The following PTPN14 variants were observed in gnomAD, a reference collection of about 807,000 sequenced individuals.
PTPN14 encodes protein tyrosine phosphatase non-receptor type 14, also known as tyrosine-protein phosphatase non-receptor type 14.
PTPN14 carries 53 observed loss-of-function variants against 126.8 expected under a neutral mutation model. The observed-to-expected ratio is 0.42, with a 90% CI of 0.34 to 0.53. PTPN14 has a LOEUF of 0.53. PTPN14 is among the 20% of genes least tolerant of loss of function. The pLI, the probability that PTPN14 is intolerant of heterozygous loss-of-function variation, is 0.08. For missense variants in PTPN14, 1,257 were observed against 1,552.9 expected (o/e 0.81, Z 3.20); for synonymous variants, 630 against 599.3 (o/e 1.05, Z -0.75).
At chr1:214,429,173 G>C (rs967453602) in intron 3 of PTPN14, among the ~76,000 whole-genome samples, 14 of 152,128 alleles carry the variant, frequency 9.2e-5, no homozygotes, top group Admixed American at 5.2e-4. Flanking sequence ...TAAAAGTCAT[G>C]ATCACAGATT....
At chr1:214,390,913 AT>A in intron 11 of PTPN14, 74 bp downstream of exon 11, 1 of 1,260,724 alleles carries the variant, frequency 7.9e-7, no homozygotes. Context: ...TGCCCTCATC[AT>A]CCCCCCACCT....
At chr1:214,475,000 A>T (rs1055877697) in intron 1 of PTPN14, among the ~76,000 whole-genome samples, 1 of 152,178 alleles carries the variant, frequency 6.6e-6, no homozygotes, top group Admixed American at 6.5e-5. Context: ...GGATTTGCTT[A>T]AAAAATCACG....
chr1:214,440,488 T>C (rs1660015618), intron 3 of PTPN14, among the ~76,000 whole-genome samples: 1 of 152,252 alleles, frequency 6.6e-6, no homozygotes, highest in African/African-American at 2.4e-5. Context: ...ATTTGAGCCA[T>C]GGCTCTGCAG....
intron 1 of PTPN14, among the ~76,000 whole-genome samples, chr1:214,535,616 A>T (rs1365232404): frequency 1.3e-5 from 2 of 151,956 alleles, no homozygotes; most frequent in African/African-American, 4.8e-5. Context: ...CATCTCTACT[A>T]AAAAATACAA....
In PTPN14 at chr1:214,349,733, A is replaced by C. The variant is rs1657666768; in HGVS notation, c.*8189T>G. 2 of 152,252 alleles carry C rather than the reference A, an allele frequency of 1.3e-5. No homozygotes were observed. Among genetic ancestry groups the C allele is most frequent in the Non-Finnish European group, 2.9e-5 (2 of 68,044 alleles). The allele number at this position is 152,252 out of a possible 1,614,324, so 9.4% of individuals were successfully genotyped here. ...TGATGAAGAGTAGCTTTATGTCAGA[A>C]AGGAGAAGGCTAATGAATTTTTAAG... On this transcript the variant is annotated 3_prime_UTR_variant, in exon 19 of 19. Transcript: ENST00000366956.
At chr1:214,492,838 C>T (rs1167183241) in intron 1 of PTPN14, among the ~76,000 whole-genome samples, 2 of 149,926 alleles carry the variant, frequency 1.3e-5, no homozygotes, top group Admixed American at 1.3e-4. Context: ...GCAGAGGTTG[C>T]AGTGAGCCAA....
intron 11 of PTPN14, 146 bp from the exon 12 acceptor site, chr1:214,387,068 C>G (rs975043014): frequency 7.6e-6 from 5 of 656,932 alleles, no homozygotes; most frequent in Non-Finnish European, 1.3e-5. Context: ...TTGACTCAAC[C>G]TTCTTCTACC....
At chr1:214,520,115 T>C (rs888016654) in intron 1 of PTPN14, among the ~76,000 whole-genome samples, 4 of 143,374 alleles carry the variant, frequency 2.8e-5, no homozygotes, top group Non-Finnish European at 6.0e-5. Flanking sequence ...CAGGTATGAA[T>C]CAGTCTGTCT....
At chr1:214,440,200 T>C (rs775969150) in intron 3 of PTPN14, among the ~76,000 whole-genome samples, 11 of 152,208 alleles carry the variant, frequency 7.2e-5, no homozygotes, top group Non-Finnish European at 1.5e-4. Context: ...TCCCTTTATC[T>C]GTCTGTTTCT....
intron 8 of PTPN14, among the ~76,000 whole-genome samples, chr1:214,396,415 C>T (rs975367545): frequency 5.9e-5 from 9 of 152,224 alleles, no homozygotes; most frequent in African/African-American, 1.9e-4. Context: ...GCTTCACAAC[C>T]TACAGTTCTA....
intron 1 of PTPN14, among the ~76,000 whole-genome samples, chr1:214,512,377 G>T (rs1257854146): frequency 6.6e-6 from 1 of 152,134 alleles, no homozygotes; most frequent in African/African-American, 2.4e-5. Context: ...ATAGGGTTTG[G>T]CATGCTCCTT....
At chr1:214,402,509 C>G (rs189074579) in intron 6 of PTPN14, among the ~76,000 whole-genome samples, 2 of 149,562 alleles carry the variant, frequency 1.3e-5, no homozygotes, top group East Asian at 4.0e-4. Context: ...ATATCAAACT[C>G]CTGGTGCTTC....
At chr1:214,426,692 G>A (rs1659671486) in intron 3 of PTPN14, among the ~76,000 whole-genome samples, 1 of 152,172 alleles carries the variant, frequency 6.6e-6, no homozygotes, top group African/African-American at 2.4e-5. Flanking sequence ...AAAGAAGGCT[G>A]CTACAAACAC....
At chr1:214,441,093 A>G (rs1001643493) in intron 3 of PTPN14, among the ~76,000 whole-genome samples, 13 of 152,226 alleles carry the variant, frequency 8.5e-5, no homozygotes, top group African/African-American at 3.1e-4. Context: ...AAAGTAATAT[A>G]AAAGACTCCA....
At position 214,547,936 on chromosome 1, in the gene PTPN14, A is replaced by G. The variant is rs570141981; in HGVS notation, c.-155+3247T>C. On this transcript the variant is annotated intron_variant, in intron 1 of 18. Coordinates refer to ENST00000366956, the MANE Select transcript of PTPN14 (RefSeq NM_005401.5). ...AAAAAAAAAAAAAAGTCAAAAACAAAGCTTTATGTGTATGTTGACACACAT... is the reference window on the plus strand; with the variant it reads ...AAAAAAAAAAAAAAGTCAAAAACAAGGCTTTATGTGTATGTTGACACACAT... 9.7e-4 allele frequency among the ~76,000 whole-genome samples: 148 copies of G among 152,246 alleles called. 2 individuals are homozygous for G. The highest frequency in any genetic ancestry group is 3.1e-3 in the South Asian group (15 of 4,814).
At chr1:214,542,150 A>C (rs1571659821) in intron 1 of PTPN14, among the ~76,000 whole-genome samples, 1 of 150,300 alleles carries the variant, frequency 6.7e-6, no homozygotes, top group Admixed American at 6.6e-5. Flanking sequence ...ACACACATAT[A>C]GTATGTATGT....
At chr1:214,414,326 T>C (rs924570467) in intron 4 of PTPN14, among the ~76,000 whole-genome samples, 1 of 152,220 alleles carries the variant, frequency 6.6e-6, no homozygotes, top group African/African-American at 2.4e-5. Flanking sequence ...GGAATAATTC[T>C]GAGAAAATGT....
At chr1:214,427,255 C>G (rs1360256541) in intron 3 of PTPN14, among the ~76,000 whole-genome samples, 1 of 114,752 alleles carries the variant, frequency 8.7e-6, no homozygotes. Flanking sequence ...TCCAGCTTGG[C>G]GACAGAGTGA....
At chr1:214,401,610 G>T in intron 7 of PTPN14, 75 bp downstream of exon 7, 1 of 1,297,490 alleles carries the variant, frequency 7.7e-7, no homozygotes, top group Non-Finnish European at 1.1e-6. Flanking sequence ...CTGGCCCACT[G>T]CTATCAACAA....
Sources: allele counts gnomAD v4.1 joint callset (sites outside exome capture counted in the v4.1 genomes callset), GRCh38; gene constraint gnomAD v4.1.1; transcripts MANE v1.5; gene names NCBI Gene and HGNC (gene_info 2026-07-23, HGNC 2026-07-21).